MED12L: variants seen among roughly 807,000 people sequenced by gnomAD.
The protein encoded by MED12L is mediator complex subunit 12L.
MED12L carries 60 observed loss-of-function variants against 281.3 expected under a neutral mutation model. The observed-to-expected ratio is 0.21, with a 90% CI of 0.17 to 0.26. The LOEUF (loss-of-function observed/expected upper bound fraction) is 0.26, where lower values mean the gene tolerates loss of function less well. Ranked by LOEUF, MED12L falls within the 10% of genes least tolerant of loss-of-function variation. The pLI is 1.00. For synonymous variants in MED12L, 974 were observed against 987.2 expected, an observed-to-expected ratio of 0.99 and a Z score of 0.25; for missense variants, 2,146 against 2,680.9, an observed-to-expected ratio of 0.80 and a Z score of 4.41.
At chr3:151,366,054 C>T in intron 23 of MED12L, 63 bp downstream of exon 23, 2 of 1,323,854 alleles carry the variant, frequency 1.5e-6, no homozygotes, top group Admixed American at 2.7e-5. Flanking sequence ...AGTGGGTAAT[C>T]TTTTTGCTTT....
chr3:151,297,202 T>G (rs1745217490), intron 16 of MED12L, among the ~76,000 whole-genome samples: 1 of 152,232 alleles, frequency 6.6e-6, no homozygotes. Flanking sequence ...GCTGCCAGTT[T>G]GTAATATTTC....
intron 16 of MED12L, among the ~76,000 whole-genome samples, chr3:151,333,030 A>G (rs1472024011): frequency 6.6e-6 from 1 of 152,164 alleles, no homozygotes; most frequent in African/African-American, 2.4e-5. Flanking sequence ...GTTTGCTTAG[A>G]ATAATGGCCT....
At chr3:151,379,569 T>G (rs935998542) in intron 31 of MED12L, among the ~76,000 whole-genome samples, 3 of 152,182 alleles carry the variant, frequency 2.0e-5, no homozygotes, top group African/African-American at 4.8e-5. Context: ...CGCCAGCAAG[T>G]ACACTGTTTT....
At chr3:151,115,233 G>GT (rs1712538664) in intron 2 of MED12L, among the ~76,000 whole-genome samples, 1 of 149,752 alleles carries the variant, frequency 6.7e-6, no homozygotes, top group African/African-American at 2.4e-5. Flanking sequence ...TCTTGGGTAA[G>GT]TTGGTGAGCC....
chr3:151,219,894 C>T (rs1337503596), intron 16 of MED12L, among the ~76,000 whole-genome samples: 2 of 15,706 alleles, frequency 1.3e-4, no homozygotes, highest in South Asian at 5.0e-3. Flanking sequence ...TTATATTACC[C>T]CCCCCCCCCC....
chr3:151,388,300 A>G (rs1713737971), intron 37 of MED12L, 128 bp downstream of exon 37: 5 of 1,163,944 alleles, frequency 4.3e-6, no homozygotes, highest in Middle Eastern at 4.2e-4. Flanking sequence ...TTCTCCTAAC[A>G]GGTTTCTGCA....
At chr3:151,273,630 A>C (rs1390235794) in intron 16 of MED12L, among the ~76,000 whole-genome samples, 2 of 152,122 alleles carry the variant, frequency 1.3e-5, no homozygotes, top group African/African-American at 4.8e-5. Context: ...AATGAGGCAT[A>C]GAGTTGTTAA....
intron 27 of MED12L, among the ~76,000 whole-genome samples, chr3:151,374,128 A>G (rs1365989756): frequency 6.6e-6 from 1 of 152,150 alleles, no homozygotes; most frequent in South Asian, 2.1e-4. Context: ...AAAAACGTCA[A>G]TTTACTTGTT....
At chr3:151,109,303 T>C (rs1711517793) in intron 2 of MED12L, among the ~76,000 whole-genome samples, 1 of 152,214 alleles carries the variant, frequency 6.6e-6, no homozygotes, top group African/African-American at 2.4e-5. Context: ...GGGATCTGCC[T>C]GCCTCGGCCT....
Position 151,193,586 on chromosome 3 carries a change from A to C in MED12L, c.2170A>C (p.Lys724Gln), listed in dbSNP as rs1279583211. 6.2e-7 allele frequency: 1 copy of C among 1,614,114 alleles called. No individual in the cohort carries two copies. Among genetic ancestry groups the C allele is most frequent in the Admixed American group, 1.7e-5 (1 of 60,030 alleles). Residue 724 changes from lysine to glutamine, a missense_variant, in exon 16 of 45, where the codon AAG becomes CAG. This residue lies in a region of MED12L where 722 missense variants were observed against 861.2 expected (regional missense o/e 0.84). Coordinates refer to ENST00000687756, the MANE Select transcript of MED12L (RefSeq NM_001393769.1). ...VNCEKLVKRE[K>Q]PRELIFPSNY... ...TTGTGAGAAGTTGGTGAAGAGGGAA[A>C]AGCCAAGGGAATTAATTTTTCCATC...
chr3:151,409,880 G>A lies in MED12L; in HGVS notation c.5910+548G>A, dbSNP rs1015058293. Among the ~76,000 whole-genome samples the A allele has an allele frequency of 7.2e-5, 11 of 152,148 alleles. 1 individual carries two copies. Among genetic ancestry groups the A allele is most frequent in the Admixed American group, 4.6e-4 (7 of 15,280 alleles). Reference sequence around the variant, plus strand: ...GCACGGGAGGCTAAAGTGGAGGATCGCTTGAGCTTGAGAGGTTGAGGTTGC... The same window carrying A: ...GCACGGGAGGCTAAAGTGGAGGATCACTTGAGCTTGAGAGGTTGAGGTTGC... On this transcript the variant is annotated intron_variant, in intron 40 of 44. Transcript: ENST00000687756.
At position 151,315,836 on chromosome 3, in the gene MED12L, T is replaced by A. The variant is rs374353386; in HGVS notation, c.2251-34223T>A. Among the ~76,000 whole-genome samples the A allele has an allele frequency of 3.3e-4, 50 of 152,322 alleles. 1 individual carries two copies. Among genetic ancestry groups the A allele is most frequent in the African/African-American group, 1.2e-3 (48 of 41,584 alleles). On this transcript the variant is annotated intron_variant, in intron 16 of 44. Coordinates refer to ENST00000687756, the MANE Select transcript of MED12L (RefSeq NM_001393769.1). ...TAAAAGCAGATTCAACTTGAGAATG[T>A]GATGTAAAATTCCATAGCAGATAAA... is the stretch of plus-strand genomic sequence containing the variant.
intron 38 of MED12L, among the ~76,000 whole-genome samples, chr3:151,391,290 C>T (rs562012122): frequency 3.2e-4 from 48 of 152,344 alleles, no homozygotes; most frequent in Admixed American, 9.1e-4. Flanking sequence ...TTCACATATT[C>T]CTAGCTCAGG....
intron 16 of MED12L, chr3:151,278,153 CCTA>C (rs1319979743): frequency 1.3e-5 from 2 of 152,102 alleles, no homozygotes; most frequent in African/African-American, 2.4e-5. Flanking sequence ...CAAAAAGTAA[CCTA>C]CTGAGAAAAA....
chr3:151,193,136 G>A (rs909556200), intron 15 of MED12L, among the ~76,000 whole-genome samples: 4 of 152,014 alleles, frequency 2.6e-5, no homozygotes, highest in Non-Finnish European at 5.9e-5. Flanking sequence ...TTATTCATTA[G>A]TCTTACTAGT....
intron 43 of MED12L, among the ~76,000 whole-genome samples, chr3:151,424,212 AAAG>A (rs1427849764): frequency 2.0e-5 from 3 of 152,222 alleles, no homozygotes; most frequent in Non-Finnish European, 4.4e-5. Flanking sequence ...TTTGGAAGGA[AAAG>A]AAGAAGTAAT....
chr3:151,264,731 A>T (rs1452894614), intron 16 of MED12L, among the ~76,000 whole-genome samples: 1 of 152,198 alleles, frequency 6.6e-6, no homozygotes, highest in African/African-American at 2.4e-5. Context: ...ACACAAATTA[A>T]GTCTTGCTAC....
At chr3:151,166,996 T>C (rs1720809724) in intron 11 of MED12L, among the ~76,000 whole-genome samples, 1 of 152,122 alleles carries the variant, frequency 6.6e-6, no homozygotes, top group South Asian at 2.1e-4. Flanking sequence ...TTTTAAGACT[T>C]TCTATGGGCT....
At chr3:151,245,146 G>C (rs1279586188) in intron 16 of MED12L, among the ~76,000 whole-genome samples, 1 of 152,178 alleles carries the variant, frequency 6.6e-6, no homozygotes, top group South Asian at 2.1e-4. Flanking sequence ...CAACCAAAAA[G>C]AGTCCAGGAC....
Sources: gnomAD v4.1 joint callset for allele counts (sites outside exome capture counted in the v4.1 genomes callset) on GRCh38, gnomAD v4.1.1 for gene constraint, gnomAD v4.1.1 regional missense constraint, MANE v1.5 for transcripts, NCBI Gene and HGNC (gene_info 2026-07-23, HGNC 2026-07-21) for gene names.